The following CDH13 variants were observed in gnomAD, a reference collection of about 807,000 sequenced individuals.
The protein encoded by CDH13 is cadherin 13, also known as cadherin-13.
Under a neutral mutation model 63.8 loss-of-function variants are expected in CDH13, and 24 were observed. The ratio of observed to expected loss-of-function variants is 0.38; its 90% confidence interval spans 0.27 to 0.53. The LOEUF (loss-of-function observed/expected upper bound fraction) is 0.53, where lower values mean the gene tolerates loss of function less well. CDH13 is among the 20% of genes least tolerant of loss of function. The pLI, the probability that CDH13 is intolerant of heterozygous loss-of-function variation, is 0.85. For synonymous variants in CDH13, 503 were observed against 355.3 expected (o/e 1.42, Z -4.67); for missense variants, 1,049 against 903.1 (o/e 1.16, Z -2.07).
chr16:83,798,135 T>G lies in CDH13; in HGVS notation c.*3105T>G, dbSNP rs1904291751. ...TAGCTCATTCCAGAGTTTCAGAATG[T>G]CATTTAAAACAGTCTGATAAATGGA... On this transcript the variant is annotated 3_prime_UTR_variant, in exon 14 of 14. Coordinates refer to ENST00000567109, the MANE Select transcript of CDH13 (RefSeq NM_001257.5). The G allele has an allele frequency of 6.6e-6, 1 of 152,236 alleles. No individual in the cohort carries two copies. The highest frequency in any genetic ancestry group is 1.5e-5 in the Non-Finnish European group (1 of 68,044). The allele number at this position is 152,236 out of a possible 1,614,324, so 9.4% of individuals were successfully genotyped here.
At chr16:83,138,114 T>A (rs1208025315) in intron 4 of CDH13, among the ~76,000 whole-genome samples, 3 of 152,120 alleles carry the variant, frequency 2.0e-5, no homozygotes, top group Non-Finnish European at 2.9e-5. Flanking sequence ...GCATTAAAGA[T>A]GTTGCTGTCT....
intron 5 of CDH13, among the ~76,000 whole-genome samples, chr16:83,219,143 C>T (rs1006840687): frequency 2.0e-5 from 3 of 152,126 alleles, no homozygotes; most frequent in African/African-American, 4.8e-5. Flanking sequence ...GCTGTGGGAC[C>T]TTGAGCAACA....
chr16:83,211,163 A>G (rs1259621106), intron 4 of CDH13, among the ~76,000 whole-genome samples: 1 of 151,408 alleles, frequency 6.6e-6, no homozygotes. Context: ...AAAAAAAAAA[A>G]GGTACTAGAA....
intron 6 of CDH13, among the ~76,000 whole-genome samples, chr16:83,483,394 C>T (rs1324765584): frequency 6.6e-6 from 1 of 151,954 alleles, no homozygotes; most frequent in Non-Finnish European, 1.5e-5. Flanking sequence ...ATCATGTTAT[C>T]CAACCTGTAA....
intron 7 of CDH13, among the ~76,000 whole-genome samples, chr16:83,552,577 T>C (rs12918411): frequency 0.31 from 47,670 of 152,100 alleles, 7,553 homozygotes; most frequent in Middle Eastern, 0.37. Flanking sequence ...ATTACTTTTT[T>C]TGCAGTGAAT....
At chr16:83,002,407 C>G (rs567890756) in intron 2 of CDH13, among the ~76,000 whole-genome samples, 1 of 152,194 alleles carries the variant, frequency 6.6e-6, no homozygotes, top group Non-Finnish European at 1.5e-5. Context: ...CCTCTAGAAC[C>G]TATGGAGGAA....
intron 9 of CDH13, among the ~76,000 whole-genome samples, chr16:83,673,889 C>A (rs942881696): frequency 6.6e-6 from 1 of 152,162 alleles, no homozygotes; most frequent in African/African-American, 2.4e-5. Flanking sequence ...GAAGAGGTGC[C>A]CACAGAGGCT....
chr16:83,305,132 T>C (rs1021993307), intron 5 of CDH13, among the ~76,000 whole-genome samples: 3 of 152,166 alleles, frequency 2.0e-5, no homozygotes, highest in Non-Finnish European at 2.9e-5. Context: ...GGGGCCATCC[T>C]GGTCTAGGGG....
chr16:82,769,039 T>C (rs2035165342), intron 1 of CDH13, among the ~76,000 whole-genome samples: 2 of 152,332 alleles, frequency 1.3e-5, no homozygotes, highest in South Asian at 4.1e-4. Context: ...TTCTGAAACA[T>C]CATTAGCAGG....
intron 5 of CDH13, among the ~76,000 whole-genome samples, chr16:83,255,067 G>C (rs989014474): frequency 2.1e-5 from 3 of 139,852 alleles, no homozygotes; most frequent in Admixed American, 7.5e-5. Flanking sequence ...TGCCCAAGGT[G>C]TCTGTGACAG....
chr16:83,235,644 T>G (rs1045126702), intron 5 of CDH13, among the ~76,000 whole-genome samples: 3 of 147,508 alleles, frequency 2.0e-5, no homozygotes, highest in Non-Finnish European at 4.5e-5. Flanking sequence ...GAGGGAAAAC[T>G]AATTCCAGCA....
At chr16:83,664,212 G>A (rs1212607210) in intron 8 of CDH13, among the ~76,000 whole-genome samples, 1 of 152,070 alleles carries the variant, frequency 6.6e-6, no homozygotes, top group African/African-American at 2.4e-5. Flanking sequence ...TGATGATCTG[G>A]TGGGTTCCTG....
At chr16:83,432,525 T>C (rs2072152015) in intron 6 of CDH13, among the ~76,000 whole-genome samples, 2 of 152,134 alleles carry the variant, frequency 1.3e-5, no homozygotes, top group African/African-American at 2.4e-5. Flanking sequence ...TCCCCTCCTC[T>C]CCTCACCACA....
intron 6 of CDH13, among the ~76,000 whole-genome samples, chr16:83,465,690 T>TGATG (rs2073296626): frequency 6.6e-6 from 1 of 152,182 alleles, no homozygotes; most frequent in South Asian, 2.1e-4. Flanking sequence ...CAGAGACAAT[T>TGATG]GATGGTCTGT....
chr16:83,014,814 T>G (rs1337400303), intron 2 of CDH13, among the ~76,000 whole-genome samples: 3 of 77,924 alleles, frequency 3.8e-5, no homozygotes, highest in African/African-American at 1.4e-4. Context: ...GTATATATAT[T>G]TGTATATATA....
chr16:83,038,798 C>T (rs189787931), intron 3 of CDH13, among the ~76,000 whole-genome samples: 12 of 152,264 alleles, frequency 7.9e-5, no homozygotes, highest in Non-Finnish European at 1.5e-4. Context: ...CTGGCCTGGC[C>T]AACGAAAACA....
At chr16:83,395,990 A>G (rs995422554) in intron 6 of CDH13, among the ~76,000 whole-genome samples, 13 of 151,914 alleles carry the variant, frequency 8.6e-5, no homozygotes, top group African/African-American at 2.7e-4. Flanking sequence ...GTTCCCCTCT[A>G]TATGTCCACG....
rs1054547299 is a variant in CDH13, at chr16:83,142,241, G to A, written c.483+16740G>A. 2.1e-4 allele frequency among the ~76,000 whole-genome samples: 30 copies of A among 143,258 alleles called. No homozygotes were observed. In the Admixed American group the frequency reaches 2.2e-3, roughly 11 times the overall value. The allele number at this position is 143,258 out of a possible 152,430, so 94.0% of individuals were successfully genotyped here. On this transcript the variant is annotated intron_variant, in intron 4 of 13. Transcript: ENST00000567109. Reference sequence around the variant, plus strand: ...AGTGGTGTAATCTCAGCTCACCACAGCCTCCGCCTTCTGGGTTCCAGCCAT... The same window carrying A: ...AGTGGTGTAATCTCAGCTCACCACAACCTCCGCCTTCTGGGTTCCAGCCAT...
At chr16:82,716,079 G>C (rs1327637181) in intron 1 of CDH13, among the ~76,000 whole-genome samples, 1 of 152,194 alleles carries the variant, frequency 6.6e-6, no homozygotes, top group Non-Finnish European at 1.5e-5. Flanking sequence ...GGCATGGTGA[G>C]ATGAGTCCTT....
Sources: gnomAD v4.1 joint callset for allele counts (sites outside exome capture counted in the v4.1 genomes callset) on GRCh38, gnomAD v4.1.1 for gene constraint, MANE v1.5 for transcripts, NCBI Gene and HGNC (gene_info 2026-07-23, HGNC 2026-07-21) for gene names.